The following HCN4 variants were observed in gnomAD, a reference collection of about 807,000 sequenced individuals.
HCN4 encodes the protein potassium/sodium hyperpolarization-activated cyclic nucleotide-gated channel 4.
Under a neutral mutation model 76.9 loss-of-function variants are expected in HCN4, and 29 were observed. The observed-to-expected ratio is 0.38, with a 90% CI of 0.28 to 0.51. The LOEUF (loss-of-function observed/expected upper bound fraction) is 0.51. Among genes scored for constraint, HCN4 ranks in the 20% least tolerant of loss-of-function variants. HCN4 has a pLI of 0.90. For missense variants in HCN4, 1,416 were observed against 1,715.2 expected (o/e 0.83, Z 3.08); for synonymous variants, 772 against 762.5 (o/e 1.01, Z -0.21).
intron 1 of HCN4, among the ~76,000 whole-genome samples, chr15:73,344,565 G>T (rs2043021822): frequency 6.6e-6 from 1 of 152,072 alleles, no homozygotes; most frequent in African/African-American, 2.4e-5. Context: ...TTCAAAACAA[G>T]AATAATTAAT....
chr15:73,343,496 C>T lies in HCN4; in HGVS notation c.1098G>A (p.Glu366=), dbSNP rs758955377. 2 of 1,614,086 alleles carry T rather than the reference C, an allele frequency of 1.2e-6. No individual in the cohort carries two copies. Among genetic ancestry groups the T allele is most frequent in the African/African-American group, 2.7e-5 (2 of 74,918 alleles). The change falls in exon 2 of 8, where the codon GAG becomes GAA. Residue 366 remains glutamate (E), a synonymous_variant. Coordinates refer to ENST00000261917, the MANE Select transcript of HCN4 (RefSeq NM_005477.3). The surrounding 1 kb of genome is among the most constrained non-coding windows in gnomAD (Gnocchi z 5.7). ...FLIVETRIDS[E]VYKTARALRI... is the part of the protein sequence containing the mutation. Reference sequence around the variant, plus strand: ...GCAGGGCCCGGGCAGTCTTGTAGACCTCCGAGTCGATGCGTGTCTCCACAA... The same window carrying T: ...GCAGGGCCCGGGCAGTCTTGTAGACTTCCGAGTCGATGCGTGTCTCCACAA...
intron 2 of HCN4, among the ~76,000 whole-genome samples, chr15:73,341,898 G>A (rs534787473): frequency 2.2e-4 from 34 of 152,354 alleles, no homozygotes; most frequent in African/African-American, 7.7e-4. Context: ...CGAGGCCCAG[G>A]CTGCTGCTGG....
At chr15:73,358,802 C>A (rs1470773367) in intron 1 of HCN4, among the ~76,000 whole-genome samples, 2 of 152,200 alleles carry the variant, frequency 1.3e-5, no homozygotes, top group Non-Finnish European at 2.9e-5. Context: ...TCCTTCAGAT[C>A]CAGCTCAGAG....
chr15:73,324,291 G>A (rs2042885768), intron 6 of HCN4, 38 bp from the exon 7 acceptor site: 4 of 1,606,172 alleles, frequency 2.5e-6, no homozygotes, highest in East Asian at 2.2e-5. Context: ...GGCATGCACA[G>A]CCTGCCCAGG....
chr15:73,323,477 G>T lies in HCN4; in HGVS notation c.2616C>A (p.Ser872Arg). ...AGGAGCTGGATGAGGGCAGGAGTGGGCTCAGTCCAGCGGGGGCAGAGAATC... is the reference window on the plus strand; with the variant it reads ...AGGAGCTGGATGAGGGCAGGAGTGGTCTCAGTCCAGCGGGGGCAGAGAATC... ...LAGFSAPAGLSPLLPSSSSSP... is the reference protein window; with the variant it reads ...LAGFSAPAGLRPLLPSSSSSP... Residue 872 changes from serine to arginine, a missense_variant, in exon 8 of 8, where the codon AGC becomes AGA. By Grantham distance (110) the Ser-to-Arg change is moderately radical. Transcript: ENST00000261917. 6.2e-7 allele frequency: 1 copy of T among 1,605,480 alleles called. No homozygotes were observed.
chr15:73,324,326 T>C (rs1302980958), intron 6 of HCN4, 73 bp from the exon 7 acceptor site: 11 of 1,539,410 alleles, frequency 7.1e-6, no homozygotes, highest in East Asian at 7.1e-5. Context: ...CACCCTGACC[T>C]TGGCCCTGAC....
intron 2 of HCN4, among the ~76,000 whole-genome samples, chr15:73,339,099 G>C (rs1272395852): frequency 1.3e-5 from 2 of 152,232 alleles, no homozygotes. Context: ...AGACTTCTGG[G>C]ATGGGTCACT....
At chr15:73,339,216 A>G (rs559632) in intron 2 of HCN4, among the ~76,000 whole-genome samples, 11,138 of 152,308 alleles carry the variant, frequency 0.073, 824 homozygotes, top group African/African-American at 0.19. Flanking sequence ...GGGAGGAGGC[A>G]TGGCTGGAGA....
rs1014766177 is a variant in HCN4 at position 73,325,392 on chromosome 15, C to T, written c.1643G>A (p.Arg548Gln). The T allele has an allele frequency of 4.3e-6, 7 of 1,614,102 alleles. No homozygotes were observed. Among genetic ancestry groups the T allele is most frequent in the South Asian group, 2.2e-5 (2 of 91,084 alleles). The stretch of plus-strand genomic sequence containing the variant: ...CTCGTAGTAGTCGTGGATGCGCTGC[C>T]GGGTGTCGGGCGGGAGCTTGTGAAA... ...MSFHKLPPDTRQRIHDYYEHR... is the reference protein window; with the variant it reads ...MSFHKLPPDTQQRIHDYYEHR... The change falls in exon 5 of 8, where the codon CGG (arginine) becomes CAG (glutamine). Residue 548 changes from arginine to glutamine, a missense_variant. Coordinates refer to ENST00000261917, the MANE Select transcript of HCN4 (RefSeq NM_005477.3). This position sits in a 1 kb window ranked among gnomAD's most constrained non-coding sequence, Gnocchi z 7.4.
At chr15:73,357,216 G>C (rs912794622) in intron 1 of HCN4, among the ~76,000 whole-genome samples, 1 of 152,156 alleles carries the variant, frequency 6.6e-6, no homozygotes, top group Non-Finnish European at 1.5e-5. Flanking sequence ...ACTCAGAGAG[G>C]TGAGGCCTCA....
intron 1 of HCN4, among the ~76,000 whole-genome samples, chr15:73,346,601 A>G (rs537799652): frequency 6.6e-6 from 1 of 152,256 alleles, no homozygotes; most frequent in South Asian, 2.1e-4. Flanking sequence ...GCCTCAGTAC[A>G]CAGATGCCCT....
In HCN4 at chr15:73,356,000, C is replaced by T. The variant is rs887257174; in HGVS notation, c.785+11486G>A. ...CTCCCCCAGGAACCTTCTGTCCTCC[C>T]ACTCAGGAGATTGGAGCAAAAATAG... is the stretch of plus-strand genomic sequence containing the variant. On this transcript the variant is annotated intron_variant, in intron 1 of 7. Coordinates refer to ENST00000261917, the MANE Select transcript of HCN4 (RefSeq NM_005477.3). Among the ~76,000 whole-genome samples, 5 of 152,168 alleles carry T rather than the reference C, an allele frequency of 3.3e-5. No individual in the cohort carries two copies. In the South Asian group the frequency reaches 6.2e-4, roughly 19 times the overall value.
At position 73,322,909 on chromosome 15, in the gene HCN4, G is replaced by A. The variant is rs2042870785; in HGVS notation, c.3184C>T (p.Pro1062Ser). ...CCCCGGCGCTGGGGGACCTGGGGTG[G>A]TGGGGGGCTGGATGCAGGTGGCAGG... ...LLLPPASSPPPPQVPQRRGTP... is the reference protein window; with the variant it reads ...LLLPPASSPPSPQVPQRRGTP... The change falls in exon 8 of 8, where the codon CCA becomes TCA. Residue 1062 changes from proline to serine, a missense_variant. Transcript: ENST00000261917. The A allele has an allele frequency of 7.1e-7, 1 of 1,406,212 alleles. No individual in the cohort carries two copies. The highest frequency in any genetic ancestry group is 1.5e-5 in the South Asian group (1 of 68,018). 87.1% of individuals were successfully genotyped at this position (1,406,212 alleles called of 1,614,324 possible). A position where few individuals can be genotyped will look rare whatever the true frequency, so the allele number is the denominator to read the frequency against.
chr15:73,348,399 T>C (rs2043038457), intron 1 of HCN4, among the ~76,000 whole-genome samples: 1 of 152,208 alleles, frequency 6.6e-6, no homozygotes, highest in Non-Finnish European at 1.5e-5. Flanking sequence ...CGAACATGCG[T>C]GCACACACGC....
At chr15:73,346,575 G>C (rs2043030853) in intron 1 of HCN4, among the ~76,000 whole-genome samples, 1 of 152,126 alleles carries the variant, frequency 6.6e-6, no homozygotes, top group Non-Finnish European at 1.5e-5. Flanking sequence ...CCAGCAATCA[G>C]ATGACAGACC....
chr15:73,322,776 G>A lies in HCN4; in HGVS notation c.3317C>T (p.Pro1106Leu), dbSNP rs940405280. The A allele has an allele frequency of 7.7e-6, 12 of 1,556,786 alleles. No homozygotes were observed. Among genetic ancestry groups the A allele is most frequent in the East Asian group, 4.6e-5 (2 of 43,094 alleles). ...AGCCATGGACTCCCCTGAGGAGTGCGGGGAGGCTCTGCGGAGAGTCTGCGC... is the reference window on the plus strand; with the variant it reads ...AGCCATGGACTCCCCTGAGGAGTGCAGGGAGGCTCTGCGGAGAGTCTGCGC... The part of the protein sequence containing the change: ...DGAQTLRRAS[P>L]HSSGESMAAF... The change falls in exon 8 of 8, where the codon CCG becomes CTG. Residue 1106 changes from proline (P) to leucine (L), a missense_variant. Coordinates refer to ENST00000261917, the MANE Select transcript of HCN4 (RefSeq NM_005477.3).
chr15:73,337,390 AT>A (rs1225560507), intron 2 of HCN4, among the ~76,000 whole-genome samples: 2 of 152,252 alleles, frequency 1.3e-5, no homozygotes, highest in African/African-American at 4.8e-5. Flanking sequence ...ATCTAAATGA[AT>A]GAGTGGGTAC....
Position 73,367,651 on chromosome 15 carries a change from C to A in HCN4, c.620G>T (p.Arg207Leu). Residue 207 changes from arginine (R) to leucine (L), a missense_variant, in exon 1 of 8, where the codon CGC (arginine) becomes CTC (leucine). Transcript: ENST00000261917. This position sits in a 1 kb window ranked among gnomAD's most constrained non-coding sequence, Gnocchi z 7.5. ...GDQILPEAEV[R>L]LGQAGFMQRQ... ...CTGCATGAAGCCGGCCTGGCCCAGG[C>A]GCACCTCGGCCTCCGGGAGGATCTG... The A allele has an allele frequency of 3.7e-6, 6 of 1,610,114 alleles. No homozygotes were observed. Among genetic ancestry groups the A allele is most frequent in the Middle Eastern group, 1.7e-4 (1 of 6,056 alleles).
intron 1 of HCN4, among the ~76,000 whole-genome samples, chr15:73,355,782 G>A (rs1015511238): frequency 5.3e-5 from 8 of 151,322 alleles, no homozygotes; most frequent in Admixed American, 1.3e-4. Flanking sequence ...CACACACACC[G>A]CCAAACTGCA....
Sources: gnomAD v4.1 joint callset for allele counts (sites outside exome capture counted in the v4.1 genomes callset) on GRCh38, gnomAD v4.1.1 for gene constraint, Gnocchi (gnomAD v3.1) non-coding constraint, MANE v1.5 for transcripts, NCBI Gene and HGNC (gene_info 2026-07-23, HGNC 2026-07-21) for gene names.